SLC13A5: variants seen among roughly 807,000 people sequenced by gnomAD.
The protein encoded by SLC13A5 is Na(+)/citrate cotransporter.
A neutral mutation model predicts 56.5 loss-of-function variants in SLC13A5; 25 were observed. The observed-to-expected ratio is 0.44, with a 90% confidence interval of 0.32 to 0.62. SLC13A5 has a LOEUF of 0.62. Among genes scored for constraint, SLC13A5 ranks in the 20% least tolerant of loss-of-function variants. The pLI is 0.04. For missense variants in SLC13A5, 649 were observed against 737.8 expected (o/e 0.88, Z 1.39); for synonymous variants, 307 against 301.5 (o/e 1.02, Z -0.19).
chr17:6,692,867 C>G lies in SLC13A5; in HGVS notation c.1275+177G>C, dbSNP rs1973448085. On this transcript the variant is annotated intron_variant, in intron 9 of 11. Transcript: ENST00000433363. The surrounding 1 kb of genome is among the most constrained non-coding windows in gnomAD (Gnocchi z 5.5). The stretch of plus-strand genomic sequence containing the variant: ...AAAGGTTACTTTCTGTCTTCCAGGC[C>G]CTGTGTGTGGTGTAGAGTTCCTAGA... 1.6e-6 allele frequency: 1 copy of G among 606,432 alleles called. No homozygotes were observed. The highest frequency in any genetic ancestry group is 3.0e-6 in the Non-Finnish European group (1 of 338,886). 37.6% of individuals were successfully genotyped at this position (606,432 alleles called of 1,614,324 possible). A position where few individuals can be genotyped will look rare whatever the true frequency, so the allele number is the denominator to read the frequency against.
intron 8 of SLC13A5, among the ~76,000 whole-genome samples, chr17:6,693,848 C>T (rs1973483684): frequency 6.6e-6 from 1 of 152,198 alleles, no homozygotes; most frequent in Non-Finnish European, 1.5e-5. Flanking sequence ...AAATTTGAAA[C>T]ATTTTCTGTT....
Position 6,711,514 on chromosome 17 carries a change from ATG to A in SLC13A5, c.102+1716_102+1717del, listed in dbSNP as rs1307931246. On this transcript the variant is annotated intron_variant, in intron 1 of 11. Transcript: ENST00000433363. This position sits in a 1 kb window ranked among gnomAD's most constrained non-coding sequence, Gnocchi z 4.0. Reference sequence around the variant, plus strand: ...TGTGTGTGTGTGTGTGTGTATGTGTATGTGTGTGTTTGTGTTTTTTGTGTGTT... The same window carrying A: ...TGTGTGTGTGTGTGTGTGTATGTGTATGTGTGTTTGTGTTTTTTGTGTGTT... 7.6e-6 allele frequency among the ~76,000 whole-genome samples: 1 copy of A among 131,796 alleles called. No homozygotes were observed. Among genetic ancestry groups the A allele is most frequent in the African/African-American group, 3.2e-5 (1 of 31,670 alleles). The allele number at this position is 131,796 out of a possible 152,430, so 86.5% of individuals were successfully genotyped here. A position where few individuals can be genotyped will look rare whatever the true frequency, so the allele number is the denominator to read the frequency against.
rs1555541121 is a variant in SLC13A5 at position 6,692,123 on chromosome 17, A to AGACGGATG, written c.1275+920_1275+921insCATCCGTC. Among the ~76,000 whole-genome samples the AGACGGATG allele has an allele frequency of 1.4e-5, 2 of 143,954 alleles. No homozygotes were observed. Among genetic ancestry groups the AGACGGATG allele is most frequent in the African/African-American group, 5.3e-5 (2 of 37,806 alleles). 94.4% of individuals were successfully genotyped at this position (143,954 alleles called of 152,430 possible). A position where few individuals can be genotyped will look rare whatever the true frequency, so the allele number is the denominator to read the frequency against. On this transcript the variant is annotated intron_variant, in intron 9 of 11. Transcript: ENST00000433363. This position sits in a 1 kb window ranked among gnomAD's most constrained non-coding sequence, Gnocchi z 5.5. Reference sequence around the variant, plus strand: ...AGGAATGTTGGATGGATGGATGGATAGATGGATGGATGGATGGATGGATGG... The same window carrying AGACGGATG: ...AGGAATGTTGGATGGATGGATGGATAGACGGATGGATGGATGGATGGATGGATGGATGG...
intron 1 of SLC13A5, among the ~76,000 whole-genome samples, chr17:6,708,295 G>A (rs1383400207): frequency 6.6e-6 from 1 of 152,144 alleles, no homozygotes; most frequent in East Asian, 1.9e-4. Flanking sequence ...ATGTCTCCCT[G>A]CGCCTCTTCT....
chr17:6,695,582 G>T, intron 7 of SLC13A5, 144 bp downstream of exon 7: 1 of 729,732 alleles, frequency 1.4e-6, no homozygotes, highest in Non-Finnish European at 2.3e-6. Flanking sequence ...GTAGAGACAG[G>T]GTTTCACCAT....
chr17:6,710,564 C>G (rs1973993536), intron 1 of SLC13A5, among the ~76,000 whole-genome samples: 1 of 152,124 alleles, frequency 6.6e-6, no homozygotes, highest in Non-Finnish European at 1.5e-5. Flanking sequence ...TTAACTGCCC[C>G]CTCACCTCCG....
chr17:6,689,928 C>T (rs757766609), intron 10 of SLC13A5: 2 of 151,822 alleles, frequency 1.3e-5, no homozygotes, highest in African/African-American at 2.4e-5. Flanking sequence ...GCACAGCTCT[C>T]GGAAGAAAGA....
At chr17:6,712,218 C>G (rs550744742) in intron 1 of SLC13A5, among the ~76,000 whole-genome samples, 3 of 152,196 alleles carry the variant, frequency 2.0e-5, no homozygotes, top group African/African-American at 7.2e-5. Flanking sequence ...GAGCTCCCCC[C>G]CAGAGCATCC....
chr17:6,703,403 G>A (rs1166441172), intron 4 of SLC13A5, among the ~76,000 whole-genome samples: 1 of 152,224 alleles, frequency 6.6e-6, no homozygotes, highest in Non-Finnish European at 1.5e-5. Context: ...AAGGGAACAC[G>A]GCAGACGGCA....
Position 6,685,679 on chromosome 17 carries a change from G to C in SLC13A5, c.*528C>G, listed in dbSNP as rs1422790608. ...TCCCACTCGCACTCCAGCAGTGGGA[G>C]GTTGCTCAAGACCAGGCATTCCGTC... On this transcript the variant is annotated 3_prime_UTR_variant, in exon 12 of 12. Coordinates refer to ENST00000433363, the MANE Select transcript of SLC13A5 (RefSeq NM_177550.5). This position sits in a 1 kb window ranked among gnomAD's most constrained non-coding sequence, Gnocchi z 4.2. The C allele has an allele frequency of 6.3e-6, 1 of 158,368 alleles. No homozygotes were observed. Among genetic ancestry groups the C allele is most frequent in the East Asian group, 1.8e-4 (1 of 5,558 alleles). The allele number at this position is 158,368 out of a possible 1,614,324, so 9.8% of individuals were successfully genotyped here.
chr17:6,691,436 C>T (rs1172320356), intron 9 of SLC13A5, among the ~76,000 whole-genome samples: 1 of 152,130 alleles, frequency 6.6e-6, no homozygotes, highest in Non-Finnish European at 1.5e-5. Context: ...TTTGGAAGCT[C>T]AGGAGAATGA....
Position 6,694,077 on chromosome 17 carries a change from G to C in SLC13A5, c.1156+20C>G. On this transcript the variant is annotated intron_variant, in intron 8 of 11. Coordinates refer to ENST00000433363, the MANE Select transcript of SLC13A5 (RefSeq NM_177550.5). ...AGGGCTCCAGTCCTGATGACTGGGC[G>C]ATCAGAACAGGAGACTTACCTTCCT... 1 of 1,562,396 alleles carries C rather than the reference G, an allele frequency of 6.4e-7. No homozygotes were observed. The highest frequency in any genetic ancestry group is 1.1e-5 in the South Asian group (1 of 88,422).
chr17:6,707,307 C>T, intron 1 of SLC13A5, 151 bp from the exon 2 acceptor site: 1 of 1,089,996 alleles, frequency 9.2e-7, no homozygotes, highest in Non-Finnish European at 1.3e-6. Context: ...CAGCCCTGGT[C>T]AGCACAGCTT....
intron 11 of SLC13A5, 74 bp from the exon 12 acceptor site, chr17:6,686,412 G>A (rs992811677): frequency 3.7e-5 from 58 of 1,586,942 alleles, no homozygotes; most frequent in African/African-American, 2.3e-4. Flanking sequence ...ACAAAGGGTC[G>A]GCTCACTGGG....
At chr17:6,686,729 G>C (rs1973262024) in intron 11 of SLC13A5, 1 of 200,126 alleles carries the variant, frequency 5.0e-6, no homozygotes, top group Admixed American at 5.1e-5. Context: ...ACCTCCTCAG[G>C]CTCTTTCTGA....
chr17:6,686,566 C>T (rs149127793), intron 11 of SLC13A5: 7 of 498,364 alleles, frequency 1.4e-5, no homozygotes, highest in South Asian at 1.2e-4. Flanking sequence ...TATGCCCGTG[C>T]GCATTTGGAA....
chr17:6,702,672 C>G (rs1426840628), intron 5 of SLC13A5, among the ~76,000 whole-genome samples: 1 of 152,246 alleles, frequency 6.6e-6, no homozygotes, highest in Admixed American at 6.5e-5. Context: ...CTCTCTGAGC[C>G]AGAGTCCCTG....
intron 9 of SLC13A5, 69 bp from the exon 10 acceptor site, chr17:6,691,009 C>T (rs1352258948): frequency 1.3e-6 from 2 of 1,528,870 alleles, no homozygotes; most frequent in East Asian, 2.3e-5. Context: ...CCAGGGCAAG[C>T]TTGGCCCATC....
chr17:6,710,457 A>C (rs74521214), intron 1 of SLC13A5, among the ~76,000 whole-genome samples: 8,284 of 152,210 alleles, frequency 0.054, 352 homozygotes, highest in Admixed American at 0.15. Context: ...TTGATTCTCT[A>C]AACTTAGAAG....
Sources: allele counts gnomAD v4.1 joint callset (sites outside exome capture counted in the v4.1 genomes callset), GRCh38; gene constraint gnomAD v4.1.1; non-coding constraint Gnocchi (gnomAD v3.1); transcripts MANE v1.5; gene names NCBI Gene and HGNC (gene_info 2026-07-23, HGNC 2026-07-21).